Variants in ADH7 observed in about 807,000 individuals in gnomAD.
The protein encoded by ADH7 is all-trans-retinol dehydrogenase [NAD(+)] ADH7.
Under a neutral mutation model 34.4 loss-of-function variants are expected in ADH7, and 41 were observed. The ratio of observed to expected loss-of-function variants is 1.19; its 90% CI spans 0.93 to 1.55. The LOEUF is 1.55. Among genes scored for constraint, ADH7 ranks in the 40% most tolerant of loss-of-function variants. The probability of loss-of-function intolerance (pLI) is 0.00; values close to 1 mark genes in which losing one functional copy is unlikely to be tolerated. For missense variants in ADH7, 540 were observed against 461.2 expected (o/e 1.17, Z -1.56); for synonymous variants, 180 against 160.9 (o/e 1.12, Z -0.90).
intron 5 of ADH7, among the ~76,000 whole-genome samples, chr4:99,425,972 C>T (rs1020935826): frequency 9.9e-5 from 15 of 152,120 alleles, no homozygotes; most frequent in African/African-American, 2.4e-4. Context: ...GGGTACATAA[C>T]GAAATGAAGG....
At chr4:99,417,310 T>C (rs986514851) in intron 7 of ADH7, among the ~76,000 whole-genome samples, 4 of 152,152 alleles carry the variant, frequency 2.6e-5, no homozygotes, top group African/African-American at 9.7e-5. Flanking sequence ...CTGTGACTGT[T>C]CTTCTGTCCT....
chr4:99,420,083 C>T (rs1337559723), intron 6 of ADH7, among the ~76,000 whole-genome samples: 1 of 152,112 alleles, frequency 6.6e-6, no homozygotes, highest in Non-Finnish European at 1.5e-5. Flanking sequence ...GCAAACAAAG[C>T]TCAGATGTAA....
chr4:99,416,432 A>G (rs927110544), intron 7 of ADH7, among the ~76,000 whole-genome samples: 4 of 152,022 alleles, frequency 2.6e-5, no homozygotes, highest in African/African-American at 9.7e-5. Flanking sequence ...CTCCTCTTAT[A>G]TGAACTGTTA....
At chr4:99,421,449 T>C (rs1441472488) in intron 5 of ADH7, among the ~76,000 whole-genome samples, 1 of 152,230 alleles carries the variant, frequency 6.6e-6, no homozygotes, top group Non-Finnish European at 1.5e-5. Flanking sequence ...GCTAGCCATA[T>C]GCAGAAAACT....
chr4:99,415,465 A>C lies in ADH7; in HGVS notation c.1100+13T>G, dbSNP rs534568682. 10 of 1,608,216 alleles carry C rather than the reference A, an allele frequency of 6.2e-6. No homozygotes were observed. The African/African-American group carries it at 1.1e-4, about 17-fold the overall frequency. ...TGTGGAGAAGAGACAAGATCATCAT[A>C]AGAAACAGTTACCTTTGTCCTGAAT... On this transcript the variant is annotated intron_variant, in intron 8 of 8. Coordinates refer to ENST00000437033, the MANE Select transcript of ADH7 (RefSeq NM_000673.7).
intron 1 of ADH7, among the ~76,000 whole-genome samples, chr4:99,430,759 CCAAA>C: frequency 1.3e-5 from 2 of 152,222 alleles, no homozygotes; most frequent in South Asian, 4.2e-4. Context: ...CACCACATTC[CCAAA>C]CAAATTCAAG....
chr4:99,428,422 G>A lies in ADH7; in HGVS notation c.259+70C>T, dbSNP rs1291828934. The A allele has an allele frequency of 4.9e-5, 75 of 1,519,542 alleles. No homozygotes were observed. The East Asian group carries it at 1.6e-3, about 33-fold the overall frequency. The allele number at this position is 1,519,542 out of a possible 1,614,324, so 94.1% of individuals were successfully genotyped here. ...GGATCCCTCTAATAATTCCTAGTGT[G>A]TGCTATTTCCTTTGATAGGCTAATC... On this transcript the variant is annotated intron_variant, in intron 3 of 8. Coordinates refer to ENST00000437033, the MANE Select transcript of ADH7 (RefSeq NM_000673.7).
chr4:99,429,493 T>C, intron 2 of ADH7, 39 bp downstream of exon 2: 1 of 1,470,104 alleles, frequency 6.8e-7, no homozygotes, highest in Non-Finnish European at 9.4e-7. Flanking sequence ...ATAAGTTTGA[T>C]AACGCTTTTG....
intron 6 of ADH7, among the ~76,000 whole-genome samples, chr4:99,419,952 T>C (rs1468459035): frequency 3.9e-5 from 6 of 152,190 alleles, no homozygotes; most frequent in East Asian, 1.9e-4. Flanking sequence ...TGGAGCTTTC[T>C]AGTTCCAGGA....
chr4:99,428,344 A>G (rs1342505088), intron 3 of ADH7, 148 bp downstream of exon 3: 16 of 1,239,498 alleles, frequency 1.3e-5, no homozygotes, highest in South Asian at 2.9e-5. Context: ...CAAATTAAAC[A>G]TTACTCAGTA....
intron 1 of ADH7, among the ~76,000 whole-genome samples, chr4:99,433,502 G>A (rs1721983854): frequency 6.6e-6 from 1 of 152,004 alleles, no homozygotes; most frequent in South Asian, 2.1e-4. Flanking sequence ...ATAATCATTG[G>A]TATGGGATGA....
At chr4:99,413,653 A>G (rs1721457303) in intron 8 of ADH7, among the ~76,000 whole-genome samples, 1 of 152,232 alleles carries the variant, frequency 6.6e-6, no homozygotes. Context: ...AGACATTGGC[A>G]TTTTGGCAAA....
At chr4:99,430,625 A>C (rs1721918193) in intron 1 of ADH7, among the ~76,000 whole-genome samples, 1 of 152,132 alleles carries the variant, frequency 6.6e-6, no homozygotes, top group African/African-American at 2.4e-5. Flanking sequence ...AAAATGATAC[A>C]CTGGTAACAG....
chr4:99,420,836 A>C (rs1185403920), intron 5 of ADH7, 43 bp from the exon 6 acceptor site: 1 of 1,589,420 alleles, frequency 6.3e-7, no homozygotes, highest in Non-Finnish European at 8.6e-7. Flanking sequence ...TGTTAGGGTC[A>C]AAAAGTGAAA....
At chr4:99,428,340 A>C in intron 3 of ADH7, 152 bp downstream of exon 3, 3 of 1,231,268 alleles carry the variant, frequency 2.4e-6, no homozygotes, top group South Asian at 3.0e-5. Flanking sequence ...TTGCCAAATT[A>C]AACATTACTC....
chr4:99,424,713 G>A (rs150769518), intron 5 of ADH7, among the ~76,000 whole-genome samples: 180 of 152,192 alleles, frequency 1.2e-3, no homozygotes, highest in African/African-American at 4.2e-3. Flanking sequence ...TGTGATTTTT[G>A]TACATTGATT....
At chr4:99,427,489 C>A (rs1290848513) in intron 5 of ADH7, among the ~76,000 whole-genome samples, 1 of 152,014 alleles carries the variant, frequency 6.6e-6, no homozygotes, top group East Asian at 1.9e-4. Flanking sequence ...CCTATCTTAA[C>A]AAACTTAACA....
intron 5 of ADH7, among the ~76,000 whole-genome samples, chr4:99,421,339 T>G (rs979510391): frequency 6.6e-6 from 1 of 152,004 alleles, no homozygotes; most frequent in Non-Finnish European, 1.5e-5. Context: ...GCCTCAGAAA[T>G]AACACCACAC....
chr4:99,415,766 G>T, intron 7 of ADH7, 150 bp from the exon 8 acceptor site: 1 of 776,352 alleles, frequency 1.3e-6, no homozygotes, highest in Non-Finnish European at 1.9e-6. Flanking sequence ...ATTTGTCCCA[G>T]CATAAGAAAC....
Sources: gnomAD v4.1 joint callset for allele counts (sites outside exome capture counted in the v4.1 genomes callset) on GRCh38, gnomAD v4.1.1 for gene constraint, MANE v1.5 for transcripts, NCBI Gene and HGNC (gene_info 2026-07-23, HGNC 2026-07-21) for gene names.